The following MBP variants were observed in gnomAD, a reference collection of about 807,000 sequenced individuals.
The protein encoded by MBP is Golli-MBP.
A neutral mutation model predicts 35.8 loss-of-function variants in MBP; 16 were observed. That is an observed-to-expected ratio of 0.45 (90% CI 0.30 to 0.68). MBP has a LOEUF of 0.68. Ranked by LOEUF, MBP falls within the 30% of genes least tolerant of loss-of-function variation. The pLI, the probability that MBP is intolerant of heterozygous loss-of-function variation, is 0.08. For synonymous variants in MBP, 143 were observed against 159.6 expected (o/e 0.90, Z 0.78); for missense variants, 380 against 404.7 (o/e 0.94, Z 0.52).
At chr18:76,984,465 A>G in intron 8 of MBP, 1 of 337,112 alleles carries the variant, frequency 3.0e-6, no homozygotes, top group East Asian at 6.8e-5. Context: ...ACCCCTGGGC[A>G]TGAGCAAGTT....
At chr18:77,074,150 C>A (rs1162750427) in intron 2 of MBP, among the ~76,000 whole-genome samples, 4 of 152,152 alleles carry the variant, frequency 2.6e-5, no homozygotes, top group African/African-American at 7.2e-5. Flanking sequence ...GTCTGGGGGT[C>A]CTTGGAGGTA....
Position 76,988,792 on chromosome 18 carries a change from C to G in MBP, c.717+85G>C. The G allele has an allele frequency of 2.7e-6, 4 of 1,480,770 alleles. No individual in the cohort carries two copies. Among genetic ancestry groups the G allele is most frequent in the Non-Finnish European group, 3.7e-6 (4 of 1,081,720 alleles). The allele number at this position is 1,480,770 out of a possible 1,614,324, so 91.7% of individuals were successfully genotyped here. ...GGGATGGATTCTGGTAGCTCGGAGCCTAACTCTCTCTTTGGTACATTATGG... is the reference window on the plus strand; with the variant it reads ...GGGATGGATTCTGGTAGCTCGGAGCGTAACTCTCTCTTTGGTACATTATGG... On this transcript the variant is annotated intron_variant, in intron 6 of 8. Coordinates refer to ENST00000355994, the MANE Select transcript of MBP (RefSeq NM_001025101.2). The surrounding 1 kb of genome is among the most constrained non-coding windows in gnomAD (Gnocchi z 5.2).
chr18:77,079,615 C>G (rs560524811), intron 2 of MBP, among the ~76,000 whole-genome samples: 1 of 152,122 alleles, frequency 6.6e-6, no homozygotes, highest in Non-Finnish European at 1.5e-5. Context: ...TATTTGCTTG[C>G]TGATATTTCA....
chr18:76,989,787 C>G lies in MBP; in HGVS notation c.681+169G>C. 1.6e-6 allele frequency: 1 copy of G among 620,092 alleles called. No homozygotes were observed. The highest frequency in any genetic ancestry group is 2.9e-6 in the Non-Finnish European group (1 of 343,574). The allele number at this position is 620,092 out of a possible 1,614,324, so 38.4% of individuals were successfully genotyped here. On this transcript the variant is annotated intron_variant, in intron 5 of 8. Coordinates refer to ENST00000355994, the MANE Select transcript of MBP (RefSeq NM_001025101.2). The surrounding 1 kb of genome is among the most constrained non-coding windows in gnomAD (Gnocchi z 4.0). ...GGCAGATACAGTCGGGAAGCGCTTG[C>G]CTGGAACTCGCGATCAGGTGCGAGG...
intron 1 of MBP, among the ~76,000 whole-genome samples, chr18:77,132,372 C>T (rs1349599779): frequency 2.0e-5 from 3 of 152,068 alleles, no homozygotes; most frequent in Non-Finnish European, 4.4e-5. Context: ...CGGCCACCTG[C>T]TCCGCTGCCT....
chr18:77,083,870 G>A (rs957147517), intron 2 of MBP, among the ~76,000 whole-genome samples: 23 of 152,162 alleles, frequency 1.5e-4, no homozygotes, highest in Admixed American at 4.6e-4. Flanking sequence ...TTGCTAGAAG[G>A]CACAGGTTTC....
chr18:77,074,934 G>C lies in MBP; in HGVS notation c.52-8549C>G, dbSNP rs139454900. Among the ~76,000 whole-genome samples, 716 of 152,278 alleles carry C rather than the reference G, an allele frequency of 4.7e-3. 1 individual carries two copies. The highest frequency in any genetic ancestry group is 0.01 in the Middle Eastern group (3 of 292). ...AAAAGTTTTAATTTACCTGTAATCA[G>C]TTTACTAGATCATGTTTACATTATC... is the stretch of plus-strand genomic sequence containing the variant. On this transcript the variant is annotated intron_variant, in intron 2 of 8. Coordinates refer to ENST00000355994, the MANE Select transcript of MBP (RefSeq NM_001025101.2).
chr18:77,067,325 T>G (rs1974240106), intron 2 of MBP, among the ~76,000 whole-genome samples: 1 of 152,176 alleles, frequency 6.6e-6, no homozygotes, highest in South Asian at 2.1e-4. Context: ...CTTTCTGTCT[T>G]CACATAAATG....
intron 1 of MBP, among the ~76,000 whole-genome samples, chr18:77,116,308 C>T (rs1009604273): frequency 6.6e-6 from 1 of 152,254 alleles, no homozygotes; most frequent in African/African-American, 2.4e-5. Context: ...TCCTAAAGGG[C>T]CCCATGTTTT....
intron 3 of MBP, among the ~76,000 whole-genome samples, chr18:77,049,031 T>C (rs1049034160): frequency 6.6e-6 from 1 of 152,166 alleles, no homozygotes; most frequent in Non-Finnish European, 1.5e-5. Flanking sequence ...GCCATTCTCC[T>C]GTCCCAGCCT....
chr18:77,061,832 G>T (rs1186494062), intron 3 of MBP, among the ~76,000 whole-genome samples: 1 of 152,214 alleles, frequency 6.6e-6, no homozygotes, highest in Non-Finnish European at 1.5e-5. Context: ...TTTCTGGGAT[G>T]AATACTTTTT....
chr18:77,081,763 T>TAC lies in MBP; in HGVS notation c.52-15379_52-15378insGT, dbSNP rs777705103. Among the ~76,000 whole-genome samples, 495 of 116,658 alleles carry TAC rather than the reference T, an allele frequency of 4.2e-3. 5 individuals are homozygous for TAC. The highest frequency in any genetic ancestry group is 0.014 in the African/African-American group (434 of 31,616). 76.5% of individuals were successfully genotyped at this position (116,658 alleles called of 152,430 possible). ...TTTCATAGCAGCATATATATATATA[T>TAC]ATATACACACACACACACACACACA... On this transcript the variant is annotated intron_variant, in intron 2 of 8. Coordinates refer to ENST00000355994, the MANE Select transcript of MBP (RefSeq NM_001025101.2).
Position 77,057,824 on chromosome 18 carries a change from G to GTTTTTTTT in MBP, c.139+8466_139+8473dup, listed in dbSNP as rs780881071. Among the ~76,000 whole-genome samples, 8 of 9,198 alleles carry GTTTTTTTT rather than the reference G, an allele frequency of 8.7e-4. 4 individuals carry two copies. The highest frequency in any genetic ancestry group is 3.3e-3 in the African/African-American group (4 of 1,208). The allele number at this position is 9,198 out of a possible 152,430, so 6.0% of individuals were successfully genotyped here. On this transcript the variant is annotated intron_variant, in intron 3 of 8. Coordinates refer to ENST00000355994, the MANE Select transcript of MBP (RefSeq NM_001025101.2). ...GGGACACCTGAGGAAGGCGGGGAGT[G>GTTTTTTTT]TTTTTTTTTTTTTTTTTTTTGAGAC...
At chr18:77,019,110 T>C (rs1489583088) in intron 3 of MBP, among the ~76,000 whole-genome samples, 1 of 151,750 alleles carries the variant, frequency 6.6e-6, no homozygotes, top group Non-Finnish European at 1.5e-5. Flanking sequence ...ATAGGTGTAA[T>C]GTACCATTCT....
chr18:77,119,791 C>T (rs1976832198), intron 1 of MBP, among the ~76,000 whole-genome samples: 2 of 152,094 alleles, frequency 1.3e-5, no homozygotes, highest in South Asian at 2.1e-4. Flanking sequence ...GGCTTGGCAC[C>T]GAAGTTGGGG....
rs1330631355 is a variant in MBP at position 77,029,097 on chromosome 18, C to T, written c.140-11829G>A. ...GAGGTTGTAGCGAGCCGAGATCTCGCCACTGCACCCCAGCCTGGGCACCAT... is the reference window on the plus strand; with the variant it reads ...GAGGTTGTAGCGAGCCGAGATCTCGTCACTGCACCCCAGCCTGGGCACCAT... On this transcript the variant is annotated intron_variant, in intron 3 of 8. Transcript: ENST00000355994. Among the ~76,000 whole-genome samples, 2 of 99,862 alleles carry T rather than the reference C, an allele frequency of 2.0e-5. 1 individual carries two copies. The highest frequency in any genetic ancestry group is 6.1e-4 in the East Asian group (2 of 3,254). 65.5% of individuals were successfully genotyped at this position (99,862 alleles called of 152,430 possible). A position where few individuals can be genotyped will look rare whatever the true frequency, so the allele number is the denominator to read the frequency against.
At chr18:77,070,385 C>T (rs1974392416) in intron 2 of MBP, among the ~76,000 whole-genome samples, 2 of 152,200 alleles carry the variant, frequency 1.3e-5, no homozygotes, top group Non-Finnish European at 2.9e-5. Context: ...ATGTAAGAAT[C>T]TGTTTCTTAT....
intron 2 of MBP, among the ~76,000 whole-genome samples, chr18:77,100,508 GGTGTGTGTGTGT>G (rs57715344): frequency 0.035 from 4,709 of 133,574 alleles, 123 homozygotes; most frequent in South Asian, 0.15. Context: ...TAGAATTTGG[GGTGTGTGTGTGT>G]GTGTGTGTGT....
At chr18:77,068,357 G>A (rs1302445617) in intron 2 of MBP, among the ~76,000 whole-genome samples, 1 of 152,152 alleles carries the variant, frequency 6.6e-6, no homozygotes, top group Non-Finnish European at 1.5e-5. Context: ...AATCAGGAGA[G>A]GTAACAGCCC....
Sources: gnomAD v4.1 joint callset for allele counts (sites outside exome capture counted in the v4.1 genomes callset) on GRCh38, gnomAD v4.1.1 for gene constraint, Gnocchi (gnomAD v3.1) non-coding constraint, MANE v1.5 for transcripts, NCBI Gene and HGNC (gene_info 2026-07-23, HGNC 2026-07-21) for gene names.